CNBD1: variants seen among roughly 807,000 people sequenced by gnomAD.
CNBD1 encodes cyclic nucleotide binding domain containing 1.
A neutral mutation model predicts 54.4 loss-of-function variants in CNBD1; 71 were observed. The observed-to-expected ratio is 1.30, with a 90% CI of 1.08 to 1.59. The LOEUF (loss-of-function observed/expected upper bound fraction) is 1.59. CNBD1 is among the 40% of genes most tolerant of loss of function. CNBD1 has a pLI of 0.00. For synonymous variants in CNBD1, 182 were observed against 170.7 expected, an observed-to-expected ratio of 1.07 and a Z score of -0.51; for missense variants, 659 against 518.0, an observed-to-expected ratio of 1.27 and a Z score of -2.64.
chr8:86,927,123 T>C (rs902811643), intron 3 of CNBD1, among the ~76,000 whole-genome samples: 5 of 152,238 alleles, frequency 3.3e-5, no homozygotes, highest in African/African-American at 1.2e-4. Context: ...TGTGTGAGTT[T>C]GTTGTTTTCA....
At chr8:87,397,200 C>A (rs767495761) in intron 2 of CNBD1, among the ~76,000 whole-genome samples, 2 of 151,692 alleles carry the variant, frequency 1.3e-5, no homozygotes, top group African/African-American at 2.4e-5. Flanking sequence ...TCTTTCAGAG[C>A]TGCAAAGTTT....
intron 8 of CNBD1, among the ~76,000 whole-genome samples, chr8:87,323,642 A>G (rs1809593573): frequency 7.5e-6 from 1 of 133,810 alleles, no homozygotes; most frequent in South Asian, 2.3e-4. Context: ...TGATTTTTGT[A>G]CATTGATTTT....
chr8:87,293,491 C>T (rs1011249128), intron 8 of CNBD1, among the ~76,000 whole-genome samples: 3 of 152,074 alleles, frequency 2.0e-5, no homozygotes, highest in Admixed American at 6.6e-5. Flanking sequence ...TGCAGTGAGC[C>T]GAGATCGTGC....
chr8:87,397,762 G>A (rs1271846783), intron 2 of CNBD1, among the ~76,000 whole-genome samples: 1 of 151,924 alleles, frequency 6.6e-6, no homozygotes, highest in African/African-American at 2.4e-5. Context: ...ATCTCATTTT[G>A]TAGCTCCCAT....
At chr8:87,140,401 C>T (rs1812348234) in intron 4 of CNBD1, among the ~76,000 whole-genome samples, 1 of 152,034 alleles carries the variant, frequency 6.6e-6, no homozygotes, top group Admixed American at 6.6e-5. Context: ...TTATTGTGAC[C>T]TGAAAGAATT....
intron 5 of CNBD1, among the ~76,000 whole-genome samples, chr8:87,211,762 G>T (rs561285413): frequency 6.6e-6 from 1 of 152,280 alleles, no homozygotes; most frequent in East Asian, 1.9e-4. Context: ...AGAGCCATGA[G>T]CCAATTAAAC....
In CNBD1 at chr8:87,413,405, T is replaced by A. The variant is rs180812498; in HGVS notation, c.214-15141T>A. ...CTTTTAACACCTAGTGTCATTTTGC[T>A]TCAGGTATTTACCTTGGTAGATTTA... is the stretch of plus-strand genomic sequence containing the variant. On this transcript the variant is annotated intron_variant, in intron 2 of 7. Transcript: ENST00000521593. 3.2e-3 allele frequency among the ~76,000 whole-genome samples: 485 copies of A among 152,200 alleles called. 2 individuals are homozygous for A. Among genetic ancestry groups the A allele is most frequent in the African/African-American group, 0.011 (453 of 41,542 alleles).
At chr8:86,912,772 G>A (rs1363131300) in intron 3 of CNBD1, among the ~76,000 whole-genome samples, 1 of 152,058 alleles carries the variant, frequency 6.6e-6, no homozygotes, top group African/African-American at 2.4e-5. Flanking sequence ...CCAGAAGAAG[G>A]CATTGTTATC....
chr8:87,104,041 A>T (rs1354463314), intron 4 of CNBD1, among the ~76,000 whole-genome samples: 1 of 152,206 alleles, frequency 6.6e-6, no homozygotes, highest in East Asian at 1.9e-4. Context: ...AGAGACCATG[A>T]TGGTCATGGT....
At chr8:87,138,664 T>G (rs1482570211) in intron 4 of CNBD1, among the ~76,000 whole-genome samples, 4 of 152,174 alleles carry the variant, frequency 2.6e-5, no homozygotes, top group Non-Finnish European at 5.9e-5. Flanking sequence ...ACTCCTTGGT[T>G]TTGGCCAGGT....
At chr8:86,960,670 T>A (rs6468584) in intron 4 of CNBD1, among the ~76,000 whole-genome samples, 1 of 152,174 alleles carries the variant, frequency 6.6e-6, no homozygotes, top group East Asian at 1.9e-4. Context: ...GATCTGAGAA[T>A]GGACAGACTG....
chr8:87,171,348 T>G (rs1395149350), intron 4 of CNBD1, among the ~76,000 whole-genome samples: 1 of 152,132 alleles, frequency 6.6e-6, no homozygotes, highest in Non-Finnish European at 1.5e-5. Context: ...GCTTTGAATT[T>G]CTGTGGTATT....
At chr8:86,955,478 A>T (rs1258665473) in intron 4 of CNBD1, among the ~76,000 whole-genome samples, 1 of 152,156 alleles carries the variant, frequency 6.6e-6, no homozygotes, top group South Asian at 2.1e-4. Flanking sequence ...ATTTCTCCAC[A>T]TCCTCTCCAG....
chr8:87,373,866 G>A (rs1009849764), intron 10 of CNBD1, among the ~76,000 whole-genome samples: 1 of 151,412 alleles, frequency 6.6e-6, no homozygotes, highest in African/African-American at 2.4e-5. Context: ...GTCTATGCCT[G>A]TACAAATGTA....
chr8:87,406,479 C>CACACTTT (rs1462159200), intron 2 of CNBD1, among the ~76,000 whole-genome samples: 6 of 82,722 alleles, frequency 7.3e-5, no homozygotes, highest in African/African-American at 3.2e-4. Context: ...CACACACACA[C>CACACTTT]TTTTTTTTTT....
Position 87,217,675 on chromosome 8 carries a change from A to G in CNBD1, c.577+11537A>G, listed in dbSNP as rs564747560. On this transcript the variant is annotated intron_variant, in intron 5 of 10. Transcript: ENST00000518476. ...AGAAAAAAGTTTGACTTTAATAGCC[A>G]ACTATTCATGATATTTATTATCAGA... 2.6e-4 allele frequency among the ~76,000 whole-genome samples: 39 copies of G among 152,000 alleles called. 1 individual carries two copies. In the South Asian group the frequency reaches 7.9e-3, roughly 31 times the overall value.
intron 8 of CNBD1, among the ~76,000 whole-genome samples, chr8:87,328,774 T>A (rs2130907897): frequency 6.6e-6 from 1 of 152,278 alleles, no homozygotes; most frequent in Admixed American, 6.5e-5. Flanking sequence ...CCCTCTTTAA[T>A]TTTTTAACAA....
At chr8:87,058,767 G>A (rs528688171) in intron 4 of CNBD1, among the ~76,000 whole-genome samples, 1 of 152,314 alleles carries the variant, frequency 6.6e-6, no homozygotes, top group East Asian at 1.9e-4. Context: ...TCCTGGGTCT[G>A]TGATGGGAAG....
At chr8:86,950,250 AGTTTCACCATTG>A (rs1807584435) in intron 4 of CNBD1, among the ~76,000 whole-genome samples, 1 of 151,406 alleles carries the variant, frequency 6.6e-6, no homozygotes, top group African/African-American at 2.4e-5. Context: ...TAGTAGAGAC[AGTTTCACCATTG>A]GTTTCACCAT....
Sources: allele counts gnomAD v4.1 joint callset (sites outside exome capture counted in the v4.1 genomes callset), GRCh38; gene constraint gnomAD v4.1.1; transcripts MANE v1.5; gene names NCBI Gene and HGNC (gene_info 2026-07-23, HGNC 2026-07-21).